The following NTNG1 variants were observed in gnomAD, a reference collection of about 807,000 sequenced individuals.
NTNG1 encodes the protein netrin-G1.
NTNG1 carries 16 observed loss-of-function variants against 54.0 expected under a neutral mutation model. The observed-to-expected ratio is 0.30, with a 90% CI of 0.20 to 0.45. The LOEUF is 0.45. NTNG1 is among the 20% of genes least tolerant of loss of function. The pLI is 1.00. For synonymous variants in NTNG1, 255 were observed against 263.1 expected, an observed-to-expected ratio of 0.97 and a Z score of 0.30; for missense variants, 530 against 678.7, an observed-to-expected ratio of 0.78 and a Z score of 2.43.
chr1:107,182,835 C>T (rs72981610), intron 2 of NTNG1, among the ~76,000 whole-genome samples: 3,078 of 152,160 alleles, frequency 0.02, 101 homozygotes, highest in African/African-American at 0.068. Flanking sequence ...TTCCTCTGTC[C>T]GCTGATTCGC....
intron 2 of NTNG1, among the ~76,000 whole-genome samples, chr1:107,280,953 A>T (rs1327996016): frequency 6.6e-6 from 1 of 151,822 alleles, no homozygotes; most frequent in Non-Finnish European, 1.5e-5. Flanking sequence ...CGAGTAATGG[A>T]AATGGAAGGG....
At chr1:107,153,265 T>G (rs1175082109) in intron 2 of NTNG1, among the ~76,000 whole-genome samples, 1 of 152,198 alleles carries the variant, frequency 6.6e-6, no homozygotes, top group Non-Finnish European at 1.5e-5. Context: ...CAGGTTGCCA[T>G]CTGGTGGCTG....
intron 7 of NTNG1, among the ~76,000 whole-genome samples, chr1:107,466,359 T>C (rs944679634): frequency 6.6e-6 from 1 of 152,218 alleles, no homozygotes; most frequent in African/African-American, 2.4e-5. Context: ...ATTCATTTAT[T>C]CATTCACTCA....
intron 2 of NTNG1, among the ~76,000 whole-genome samples, chr1:107,285,098 A>T (rs1279172557): frequency 2.0e-5 from 3 of 152,126 alleles, no homozygotes; most frequent in Non-Finnish European, 4.4e-5. Flanking sequence ...GGGTTATTCT[A>T]CTTGATGCTG....
At chr1:107,369,683 C>T (rs912771662) in intron 3 of NTNG1, among the ~76,000 whole-genome samples, 1 of 151,968 alleles carries the variant, frequency 6.6e-6, no homozygotes, top group African/African-American at 2.4e-5. Flanking sequence ...TATTTTATTT[C>T]AATATGTGGA....
chr1:107,169,045 T>C (rs1302479704), intron 2 of NTNG1, among the ~76,000 whole-genome samples: 2 of 152,200 alleles, frequency 1.3e-5, no homozygotes, highest in African/African-American at 4.8e-5. Context: ...TTTGACTCCA[T>C]AGTCTTTGAA....
intron 3 of NTNG1, among the ~76,000 whole-genome samples, chr1:107,355,192 G>A (rs1669863832): frequency 6.7e-6 from 1 of 150,270 alleles, no homozygotes; most frequent in South Asian, 2.1e-4. Flanking sequence ...ATTTCTTAAG[G>A]CTATCAAACA....
intron 3 of NTNG1, among the ~76,000 whole-genome samples, chr1:107,336,605 A>G (rs1336535783): frequency 2.0e-5 from 3 of 152,050 alleles, no homozygotes; most frequent in African/African-American, 7.2e-5. Flanking sequence ...ACAGTCAACA[A>G]AAGCAAAAAT....
At chr1:107,399,540 A>G (rs1159586213) in intron 4 of NTNG1, among the ~76,000 whole-genome samples, 2 of 152,172 alleles carry the variant, frequency 1.3e-5, no homozygotes, top group Non-Finnish European at 2.9e-5. Flanking sequence ...TGACCAATTT[A>G]TATTTTCCCA....
At chr1:107,346,156 A>G (rs977959946) in intron 3 of NTNG1, among the ~76,000 whole-genome samples, 3 of 152,230 alleles carry the variant, frequency 2.0e-5, no homozygotes, top group Non-Finnish European at 4.4e-5. Context: ...ACTAAGAAAT[A>G]CTGAACTACA....
At position 107,362,797 on chromosome 1, in the gene NTNG1, G is replaced by A. The variant is rs76796767; in HGVS notation, c.888-32357G>A. Among the ~76,000 whole-genome samples the A allele has an allele frequency of 1.7e-3, 265 of 152,262 alleles. 2 individuals carry two copies. The East Asian group carries it at 0.021, about 12-fold the overall frequency. On this transcript the variant is annotated intron_variant, in intron 3 of 7. Coordinates refer to ENST00000370068, the MANE Select transcript of NTNG1 (RefSeq NM_001113226.3). ...GCTATTTTCAATTTAAGCAAAAATAGAATAAGGGCAGATGAAGATTTCAAG... is the reference window on the plus strand; with the variant it reads ...GCTATTTTCAATTTAAGCAAAAATAAAATAAGGGCAGATGAAGATTTCAAG...
intron 2 of NTNG1, among the ~76,000 whole-genome samples, chr1:107,149,502 A>G (rs1041394728): frequency 2.6e-5 from 4 of 152,208 alleles, no homozygotes; most frequent in Admixed American, 6.5e-5. Context: ...ATTTGCTGAA[A>G]AGCAAGGACT....
At chr1:107,408,629 T>G (rs544958755) in intron 5 of NTNG1, 14 of 152,134 alleles carry the variant, frequency 9.2e-5, no homozygotes, top group Non-Finnish European at 1.9e-4. Context: ...TTTTAAATTT[T>G]TTTTTATACA....
intron 2 of NTNG1, among the ~76,000 whole-genome samples, chr1:107,293,147 T>G (rs1462326671): frequency 1.3e-5 from 2 of 152,142 alleles, no homozygotes; most frequent in South Asian, 4.1e-4. Flanking sequence ...TGATCAAAAA[T>G]GTAACCAAAA....
intron 7 of NTNG1, among the ~76,000 whole-genome samples, chr1:107,470,226 T>C (rs1414793795): frequency 6.6e-6 from 1 of 152,236 alleles, no homozygotes; most frequent in Non-Finnish European, 1.5e-5. Context: ...TGAAATTTGA[T>C]AAAATGTGAT....
chr1:107,469,114 A>C (rs978914546), intron 7 of NTNG1, among the ~76,000 whole-genome samples: 1 of 151,628 alleles, frequency 6.6e-6, no homozygotes, highest in Non-Finnish European at 1.5e-5. Flanking sequence ...AAAAAAAAAA[A>C]ACAACGAAAG....
intron 2 of NTNG1, among the ~76,000 whole-genome samples, chr1:107,306,768 A>G (rs1360210902): frequency 2.0e-5 from 3 of 151,600 alleles, no homozygotes; most frequent in Non-Finnish European, 4.4e-5. Flanking sequence ...AAAAAAAGTG[A>G]AAGTGTAAAT....
At chr1:107,294,522 C>T (rs995463530) in intron 2 of NTNG1, among the ~76,000 whole-genome samples, 1 of 152,162 alleles carries the variant, frequency 6.6e-6, no homozygotes, top group Non-Finnish European at 1.5e-5. Flanking sequence ...CCCTCCACTA[C>T]TAAACCTATA....
chr1:107,385,610 T>C (rs1268860434), intron 3 of NTNG1, among the ~76,000 whole-genome samples: 1 of 151,740 alleles, frequency 6.6e-6, no homozygotes, highest in Non-Finnish European at 1.5e-5. Flanking sequence ...AAAAAAAAGA[T>C]TATATATCAG....
Sources: allele counts gnomAD v4.1 joint callset (sites outside exome capture counted in the v4.1 genomes callset), GRCh38; gene constraint gnomAD v4.1.1; transcripts MANE v1.5; gene names NCBI Gene and HGNC (gene_info 2026-07-23, HGNC 2026-07-21).